ZNF800: variants seen among roughly 807,000 people sequenced by gnomAD.
The protein encoded by ZNF800 is zinc finger protein 800.
Under a neutral mutation model 59.5 loss-of-function variants are expected in ZNF800, and 13 were observed. The ratio of observed to expected loss-of-function variants is 0.22; its 90% CI spans 0.14 to 0.35. The LOEUF (loss-of-function observed/expected upper bound fraction) is 0.35, where lower values mean the gene tolerates loss of function less well. ZNF800 is among the 10% of genes least tolerant of loss of function. ZNF800 has a pLI of 1.00. For synonymous variants in ZNF800, 266 were observed against 265.7 expected (o/e 1.00, Z -0.01); for missense variants, 621 against 783.7 (o/e 0.79, Z 2.48).
At chr7:127,380,493 A>G (rs1318118923) in intron 3 of ZNF800, among the ~76,000 whole-genome samples, 1 of 152,226 alleles carries the variant, frequency 6.6e-6, no homozygotes, top group Non-Finnish European at 1.5e-5. Context: ...ACAAACAGAG[A>G]TAATAAAAGT....
At position 127,360,177 on chromosome 7, in the gene ZNF800, G is replaced by A. The variant is rs1340441974; in HGVS notation, n.225-12134C>T. The A allele has an allele frequency of 2.0e-5, 3 of 152,214 alleles. No homozygotes were observed. In the East Asian group the frequency reaches 5.8e-4, roughly 29 times the overall value. 9.4% of individuals were successfully genotyped at this position (152,214 alleles called of 1,614,324 possible). ...GAAAACCCATCAAATTACCCAGGTA[G>A]TTGGTACAAAATATATAGGAGCTTG... On this transcript the variant is annotated intron_variant and non_coding_transcript_variant, in intron 1 of 1. Coordinates refer to the ZNF800 transcript ENST00000485577.
intron 1 of ZNF800, among the ~76,000 whole-genome samples, 183 bp from the exon 2 acceptor site, chr7:127,391,798 C>A (rs535736462): frequency 6.6e-6 from 1 of 152,266 alleles, no homozygotes; most frequent in East Asian, 1.9e-4. Flanking sequence ...CACACAGGTT[C>A]ATCGCCCTAC....
chr7:127,373,570 T>G lies in ZNF800; in HGVS notation c.1766A>C (p.His589Pro). 1.2e-6 allele frequency: 2 copies of G among 1,614,198 alleles called. No individual in the cohort carries two copies. Among genetic ancestry groups the G allele is most frequent in the Non-Finnish European group, 1.7e-6 (2 of 1,180,028 alleles). ...ACTAGGAGAGTTAGAAGTGCCATCATGTTTTGAATCACTATGTTTTGCTTC... is the reference window on the plus strand; with the variant it reads ...ACTAGGAGAGTTAGAAGTGCCATCAGGTTTTGAATCACTATGTTTTGCTTC... ...RDEAKHSDSK[H>P]DGTSNSPSKK... Residue 589 changes from histidine to proline, a missense_variant, in exon 5 of 6, where the codon CAT becomes CCT. Transcript: ENST00000265827.
chr7:127,350,606 C>G (rs1800152115), intron 1 of ZNF800: 1 of 152,192 alleles, frequency 6.6e-6, no homozygotes, highest in Admixed American at 6.5e-5. Flanking sequence ...CAAATTCCTC[C>G]AAGACTTTCA....
At chr7:127,344,646 C>T (rs1444020382), downstream of ZNF800, among the ~76,000 whole-genome samples, 1 of 152,054 alleles carries the variant, frequency 6.6e-6, no homozygotes, top group Non-Finnish European at 1.5e-5. Flanking sequence ...CAATAATTAA[C>T]AGCATGGTTA....
chr7:127,391,667 C>T lies in ZNF800; in HGVS notation c.-58-52G>A, dbSNP rs933855495. 4.8e-5 allele frequency: 45 copies of T among 937,536 alleles called. No individual in the cohort carries two copies. The African/African-American group carries it at 6.8e-4, about 14-fold the overall frequency. 58.1% of individuals were successfully genotyped at this position (937,536 alleles called of 1,614,324 possible). On this transcript the variant is annotated intron_variant, in intron 1 of 5. Coordinates refer to ENST00000265827, the MANE Select transcript of ZNF800 (RefSeq NM_176814.5). ...CTCGCCCTGAACTTCCTGGGGGGCA[C>T]TGGCTGCATTTTCCAGATACGTTCC...
At position 127,372,724 on chromosome 7, in the gene ZNF800, A is replaced by G; in HGVS notation, c.1994+618T>C. ...CCCAAGGAGAAGGAAAAAAAATCCA[A>G]ACTTCTATTTACCACCAACTTTCCC... On this transcript the variant is annotated intron_variant, in intron 5 of 5. Coordinates refer to ENST00000265827, the MANE Select transcript of ZNF800 (RefSeq NM_176814.5). 4.1e-6 allele frequency: 4 copies of G among 985,404 alleles called. No individual in the cohort carries two copies. In the South Asian group the frequency reaches 1.9e-4, roughly 46 times the overall value. 61.0% of individuals were successfully genotyped at this position (985,404 alleles called of 1,614,324 possible).
chr7:127,377,179 A>C lies in ZNF800; in HGVS notation c.301+7T>G. 1 of 1,607,244 alleles carries C rather than the reference A, an allele frequency of 6.2e-7. No individual in the cohort carries two copies. Reference sequence around the variant, plus strand: ...AATGCATAACTGAGTATATGAATAAAACTTACTGTCATCCATCTGGAGACT... The same window carrying C: ...AATGCATAACTGAGTATATGAATAACACTTACTGTCATCCATCTGGAGACT... On this transcript the variant is annotated splice_region_variant and intron_variant, in intron 4 of 5. Coordinates refer to ENST00000265827, the MANE Select transcript of ZNF800 (RefSeq NM_176814.5). This position sits in a 1 kb window ranked among gnomAD's most constrained non-coding sequence, Gnocchi z 4.7.
chr7:127,349,915 T>C (rs1433207312), intron 1 of ZNF800: 1 of 152,232 alleles, frequency 6.6e-6, no homozygotes, highest in Non-Finnish European at 1.5e-5. Context: ...TCAACATTTT[T>C]GGAGTCCCTA....
At chr7:127,365,246 C>T (rs183446252), downstream of ZNF800, among the ~76,000 whole-genome samples, 1 of 152,102 alleles carries the variant, frequency 6.6e-6, no homozygotes, top group African/African-American at 2.4e-5. Context: ...AAGGTTCACA[C>T]AATGAAGGCA....
chr7:127,350,075 C>A (rs1800142562), intron 1 of ZNF800: 2 of 152,204 alleles, frequency 1.3e-5, no homozygotes, highest in African/African-American at 4.8e-5. Flanking sequence ...ATTGTCGTGT[C>A]AAAGCTTCGC....
Position 127,374,618 on chromosome 7 carries a change from T to C in ZNF800, c.718A>G (p.Asn240Asp), listed in dbSNP as rs1263659744. The change falls in exon 5 of 6, where the codon AAT (asparagine) becomes GAT (aspartate). Residue 240 changes from asparagine (N) to aspartate (D), a missense_variant. Transcript: ENST00000265827. ...LICCLCRKEF[N>D]SRRGVRRHIR... is the part of the protein sequence containing the mutation. ...TGACGGCGAACACCTCGTCTAGAATTGAATTCTTTTCTACAAAGACAACAT... is the reference window on the plus strand; with the variant it reads ...TGACGGCGAACACCTCGTCTAGAATCGAATTCTTTTCTACAAAGACAACAT... 5.6e-6 allele frequency: 9 copies of C among 1,614,112 alleles called. No homozygotes were observed. The highest frequency in any genetic ancestry group is 7.6e-6 in the Non-Finnish European group (9 of 1,179,968).
At chr7:127,389,031 C>T (rs565452771) in intron 2 of ZNF800, among the ~76,000 whole-genome samples, 1 of 152,288 alleles carries the variant, frequency 6.6e-6, no homozygotes, top group South Asian at 2.1e-4. Flanking sequence ...TCCTTACACC[C>T]TTCCAAAAAC....
intron 5 of ZNF800, 94 bp downstream of exon 5, chr7:127,373,248 T>C: frequency 2.7e-6 from 4 of 1,508,972 alleles, no homozygotes; most frequent in Non-Finnish European, 3.5e-6. Context: ...GAAGCAAACG[T>C]GTTAAAATGG....
chr7:127,347,023 G>A (rs1268743093), exon 2 of ZNF800: 1 of 152,424 alleles, frequency 6.6e-6, no homozygotes, highest in Non-Finnish European at 1.5e-5. Context: ...GAGAAGCATG[G>A]CTTCAGTGCA....
intron 5 of ZNF800, chr7:127,372,993 T>C (rs1800674425): frequency 1.0e-6 from 1 of 985,136 alleles, no homozygotes; most frequent in South Asian, 4.7e-5. Flanking sequence ...AAATTAAACC[T>C]GTGCAAAGTT....
chr7:127,383,130 T>C (rs942087463), intron 3 of ZNF800, among the ~76,000 whole-genome samples: 1 of 152,194 alleles, frequency 6.6e-6, no homozygotes, highest in African/African-American at 2.4e-5. Context: ...GCAGTCAGTA[T>C]AGCACACATC....
At chr7:127,362,864 C>A (rs1276048265) in intron 1 of ZNF800, 1 of 151,976 alleles carries the variant, frequency 6.6e-6, no homozygotes, top group Non-Finnish European at 1.5e-5. Context: ...ATATTTCTAA[C>A]AACAGCACGG....
intron 2 of ZNF800, among the ~76,000 whole-genome samples, chr7:127,387,501 GTA>G (rs1218977270): frequency 6.6e-6 from 1 of 152,178 alleles, no homozygotes; most frequent in African/African-American, 2.4e-5. Context: ...AGTGCTCAGT[GTA>G]CACAAACAAG....
Sources: gnomAD v4.1 joint callset for allele counts (sites outside exome capture counted in the v4.1 genomes callset) on GRCh38, gnomAD v4.1.1 for gene constraint, Gnocchi (gnomAD v3.1) non-coding constraint, MANE v1.5 for transcripts, NCBI Gene and HGNC (gene_info 2026-07-23, HGNC 2026-07-21) for gene names.